USP33: variants seen among roughly 807,000 people sequenced by gnomAD.
USP33 encodes the protein ubiquitin carboxyl-terminal hydrolase 33.
USP33 carries 46 observed loss-of-function variants against 124.2 expected under a neutral mutation model. The observed-to-expected ratio is 0.37, with a 90% confidence interval of 0.29 to 0.47. USP33 has a LOEUF of 0.47. Among genes scored for constraint, USP33 ranks in the 20% least tolerant of loss-of-function variants. The probability of loss-of-function intolerance (pLI) is 0.99; values close to 1 mark genes in which losing one functional copy is unlikely to be tolerated. For missense variants in USP33, 851 were observed against 1,070.6 expected, an observed-to-expected ratio of 0.79 and a Z score of 2.86; for synonymous variants, 350 against 352.3, an observed-to-expected ratio of 0.99 and a Z score of 0.07.
chr1:77,732,668 G>A (rs977579716), intron 7 of USP33, among the ~76,000 whole-genome samples: 1 of 151,702 alleles, frequency 6.6e-6, no homozygotes, highest in African/African-American at 2.4e-5. Context: ...TTCCTCAAAT[G>A]TGTCAAGCTC....
In USP33 at chr1:77,697,150, T is replaced by C. The variant is rs1224664332; in HGVS notation, c.*167A>G. The C allele has an allele frequency of 2.4e-5, 15 of 616,738 alleles. No individual in the cohort carries two copies. Among genetic ancestry groups the C allele is most frequent in the Non-Finnish European group, 3.8e-5 (14 of 372,136 alleles). The allele number at this position is 616,738 out of a possible 1,614,324, so 38.2% of individuals were successfully genotyped here. The stretch of plus-strand genomic sequence containing the variant: ...CTAAATATACCAACCTGTGGTATAT[T>C]ACACATTTTAATATATTCTTCCATA... On this transcript the variant is annotated 3_prime_UTR_variant, in exon 24 of 24. Coordinates refer to ENST00000370794, the MANE Select transcript of USP33 (RefSeq NM_201624.3).
At chr1:77,725,397 T>C (rs1044435138) in intron 11 of USP33, among the ~76,000 whole-genome samples, 3 of 152,194 alleles carry the variant, frequency 2.0e-5, no homozygotes, top group East Asian at 1.9e-4. Flanking sequence ...AGTGTTAAAA[T>C]TCATAAAGCT....
intron 15 of USP33, chr1:77,720,399 A>G (rs1676450666): frequency 1.0e-6 from 1 of 985,282 alleles, no homozygotes; most frequent in South Asian, 4.7e-5. Context: ...GCAGTCAGCT[A>G]GGGCTTCAAG....
Position 77,740,912 on chromosome 1 carries a change from C to T in USP33, c.163G>A (p.Glu55Lys). 6.4e-7 allele frequency: 1 copy of T among 1,567,274 alleles called. No individual in the cohort carries two copies. Among genetic ancestry groups the T allele is most frequent in the Non-Finnish European group, 8.7e-7 (1 of 1,153,428 alleles). Residue 55 changes from glutamate to lysine, a missense_variant, in exon 4 of 24, where the codon GAA becomes AAA. By Grantham distance (56) the Glu-to-Lys change is moderately conservative. This residue lies in a region of USP33 where 221 missense variants were observed against 302.9 expected (regional missense o/e 0.73). Transcript: ENST00000370794. ...ENRCSYVGCG[E>K]SQVDHSTIHS... ...ATGGTGCTGTGATCTACTTGTGATT[C>T]ACCACAGCCAACATATGAACATCTA...
rs1678860001 is a variant in USP33, at chr1:77,739,398, G to T, written c.218C>A (p.Thr73Asn). The T allele has an allele frequency of 6.2e-7, 1 of 1,609,750 alleles. No homozygotes were observed. Among genetic ancestry groups the T allele is most frequent in the Non-Finnish European group, 8.5e-7 (1 of 1,178,320 alleles). The change falls in exon 5 of 24, where the codon ACT becomes AAT. Residue 73 changes from threonine (T) to asparagine (N), a missense_variant. By Grantham distance (65) the Thr-to-Asn change is moderately conservative. Coordinates refer to ENST00000370794, the MANE Select transcript of USP33 (RefSeq NM_201624.3). ...IHSQETKHYL[T>N]VNLTTLRVWC... The stretch of plus-strand genomic sequence containing the variant: ...TACTCGAAGAGTGGTAAGGTTCACA[G>T]TTAGATAATGCTTTGTCTCCTATAT...
intron 12 of USP33, among the ~76,000 whole-genome samples, chr1:77,722,868 T>C (rs534124779): frequency 1.1e-4 from 17 of 152,372 alleles, no homozygotes; most frequent in Non-Finnish European, 2.5e-4. Context: ...TGCTTTGTTA[T>C]TGTCTATGAA....
intron 7 of USP33, among the ~76,000 whole-genome samples, chr1:77,731,257 C>T (rs1677773901): frequency 6.6e-6 from 1 of 152,124 alleles, no homozygotes; most frequent in Non-Finnish European, 1.5e-5. Context: ...ATATGAAATG[C>T]CCAAACTAAA....
In USP33 at chr1:77,741,619, G is replaced by A; in HGVS notation, c.79C>T (p.Leu27Phe). The A allele has an allele frequency of 1.9e-6, 3 of 1,581,328 alleles. No homozygotes were observed. The highest frequency in any genetic ancestry group is 1.2e-5 in the South Asian group (1 of 84,600). Reference protein sequence around the residue: ...ITKEDLIQKSLGTCQDCKVQG... With the variant: ...ITKEDLIQKSFGTCQDCKVQG... Reference sequence around the variant, plus strand: ...GGAAGAAAAAACCTGTTTCTTACAAGGGATTTTTGTATCAAATCTTCTTTT... The same window carrying A: ...GGAAGAAAAAACCTGTTTCTTACAAAGGATTTTTGTATCAAATCTTCTTTT... Residue 27 changes from leucine to phenylalanine, a missense_variant and splice_region_variant, in exon 2 of 24, where the codon CTT (leucine) becomes TTT (phenylalanine). Leu to Phe is a conservative substitution (Grantham distance 22). Around this residue, in one of 4 missense-constraint regions of USP33, gnomAD observed 221 missense variants for 302.9 expected, o/e 0.73. Transcript: ENST00000370794.
At chr1:77,726,696 A>G (rs1677200043) in intron 10 of USP33, among the ~76,000 whole-genome samples, 1 of 152,102 alleles carries the variant, frequency 6.6e-6, no homozygotes, top group Admixed American at 6.5e-5. Flanking sequence ...AAGTTCTAAA[A>G]CCATGTGAAA....
intron 19 of USP33, chr1:77,713,507 C>T (rs997701311): frequency 3.1e-5 from 13 of 420,304 alleles, no homozygotes; most frequent in South Asian, 6.8e-5. Context: ...ACCCCAGCGT[C>T]CTGAGTAGCT....
At chr1:77,697,672 G>T in intron 23 of USP33, 191 bp downstream of exon 23, 2 of 887,858 alleles carry the variant, frequency 2.3e-6, no homozygotes, top group Non-Finnish European at 3.3e-6. Context: ...CTTTTGCTTT[G>T]CTCTTAACAA....
At chr1:77,707,507 A>G (rs1557816462) in intron 21 of USP33, among the ~76,000 whole-genome samples, 1 of 152,218 alleles carries the variant, frequency 6.6e-6, no homozygotes, top group Non-Finnish European at 1.5e-5. Context: ...TTTTCAAGTA[A>G]GGTCACATTC....
chr1:77,735,493 T>C (rs1251314309), intron 6 of USP33, among the ~76,000 whole-genome samples: 1 of 152,194 alleles, frequency 6.6e-6, no homozygotes, highest in African/African-American at 2.4e-5. Context: ...TTATAACTTA[T>C]CTCTAGTCAT....
At chr1:77,714,516 T>G in intron 19 of USP33, 98 bp downstream of exon 19, 1 of 1,242,470 alleles carries the variant, frequency 8.0e-7, no homozygotes. Context: ...GGTGGGGAAA[T>G]GGGAAATAAG....
chr1:77,701,003 T>C (rs984037241), intron 22 of USP33, among the ~76,000 whole-genome samples: 1 of 152,192 alleles, frequency 6.6e-6, no homozygotes, highest in Admixed American at 6.5e-5. Flanking sequence ...CTGGCACATA[T>C]CAGAATATCT....
intron 21 of USP33, among the ~76,000 whole-genome samples, chr1:77,709,395 G>A (rs1674980065): frequency 6.6e-6 from 1 of 152,006 alleles, no homozygotes; most frequent in African/African-American, 2.4e-5. Flanking sequence ...TGCATCTGTA[G>A]TCCTAGCTAC....
At chr1:77,759,234 C>T (rs1681091552) in intron 1 of USP33, 1 of 194,460 alleles carries the variant, frequency 5.1e-6, no homozygotes, top group Non-Finnish European at 1.0e-5. Flanking sequence ...AAAAGCGAAA[C>T]CAGAACCCAG....
intron 18 of USP33, among the ~76,000 whole-genome samples, chr1:77,715,201 T>C (rs751048780): frequency 6.6e-6 from 1 of 152,268 alleles, no homozygotes; most frequent in Middle Eastern, 3.4e-3. Flanking sequence ...AAATTAAACC[T>C]AATCTTTCTT....
At position 77,714,773 on chromosome 1, in the gene USP33, C is replaced by T; in HGVS notation, c.2056G>A (p.Glu686Lys). The T allele has an allele frequency of 1.2e-6, 2 of 1,611,426 alleles. No homozygotes were observed. Among genetic ancestry groups the T allele is most frequent in the Non-Finnish European group, 1.7e-6 (2 of 1,179,758 alleles). ...AYVLFYRKSS[E>K]EAQKERRRIS... ...CTTCTCCTCTCTTTTTGTGCCTCTT[C>T]GCTGCTCTTCCTATTAAGGACAATG... The change falls in exon 19 of 24, where the codon GAA becomes AAA. Residue 686 changes from glutamate (E) to lysine (K), a missense_variant. Glu to Lys is a moderately conservative substitution (Grantham distance 56, BLOSUM62 1). Around this residue, in one of 4 missense-constraint regions of USP33, gnomAD observed 281 missense variants for 425.0 expected, o/e 0.66. Transcript: ENST00000370794.
Sources: allele counts gnomAD v4.1 joint callset (sites outside exome capture counted in the v4.1 genomes callset), GRCh38; gene constraint gnomAD v4.1.1; regional missense constraint gnomAD v4.1.1; transcripts MANE v1.5; gene names NCBI Gene and HGNC (gene_info 2026-07-23, HGNC 2026-07-21).